DRC11: variants seen among roughly 807,000 people sequenced by gnomAD.
The protein encoded by DRC11 is dynein regulatory complex subunit 11, also known as IQ and AAA domain-containing protein 1.
the DRC11 span, among the ~76,000 whole-genome samples, chr2:236,329,874 T>C: frequency 6.6e-6 from 1 of 152,182 alleles, no homozygotes; most frequent in African/African-American, 2.4e-5. Context: ...TCCCGGGTCA[T>C]AAAAGGGTAG....
the DRC11 span, among the ~76,000 whole-genome samples, chr2:236,321,850 T>TG: frequency 1.3e-5 from 2 of 151,574 alleles, no homozygotes; most frequent in Non-Finnish European, 2.9e-5. Context: ...GCACAGAGGG[T>TG]GGGGGGGAAG....
At chr2:236,429,155 G>A in the DRC11 span, among the ~76,000 whole-genome samples, 190 of 152,322 alleles carry the variant, frequency 1.2e-3, 2 homozygotes, top group African/African-American at 4.3e-3. This position sits in a 1 kb window ranked among gnomAD's most constrained non-coding sequence, Gnocchi z 5.9. Flanking sequence ...CTGGTGTTGT[G>A]AGGTACCAAG....
At chr2:236,346,709 A>T in the DRC11 span, 1 of 169,150 alleles carries the variant, frequency 5.9e-6, no homozygotes. Context: ...TGACCATCCC[A>T]TGATGGGCAG....
At chr2:236,385,140 G>A in the DRC11 span, among the ~76,000 whole-genome samples, 26 of 151,918 alleles carry the variant, frequency 1.7e-4, no homozygotes, top group African/African-American at 4.4e-4. Flanking sequence ...ACTTGGCGAC[G>A]CGGGCTCTTT....
chr2:236,338,595 A>C, the DRC11 span, among the ~76,000 whole-genome samples: 1 of 152,156 alleles, frequency 6.6e-6, no homozygotes, highest in Non-Finnish European at 1.5e-5. Context: ...TCCTTTCCTC[A>C]ACCTCTGGTG....
chr2:236,459,894 AC>A, the DRC11 span, among the ~76,000 whole-genome samples: 1 of 152,092 alleles, frequency 6.6e-6, no homozygotes, highest in Non-Finnish European at 1.5e-5. Context: ...GACTTAAAAA[AC>A]AACCCCTTAT....
chr2:236,337,286 G>A, the DRC11 span, among the ~76,000 whole-genome samples: 1 of 152,116 alleles, frequency 6.6e-6, no homozygotes, highest in Admixed American at 6.5e-5. This position sits in a 1 kb window ranked among gnomAD's most constrained non-coding sequence, Gnocchi z 4.9. Context: ...TTTTCACACA[G>A]CACTAGATAG....
the DRC11 span, among the ~76,000 whole-genome samples, chr2:236,357,191 A>ATC: frequency 1.7e-5 from 2 of 120,376 alleles, no homozygotes; most frequent in Admixed American, 1.8e-4. Flanking sequence ...ATATTCATAT[A>ATC]TATTATAAAT....
At chr2:236,492,224 G>A in the DRC11 span, among the ~76,000 whole-genome samples, 10 of 152,194 alleles carry the variant, frequency 6.6e-5, no homozygotes, top group Non-Finnish European at 1.3e-4. Context: ...CAGTATGTCA[G>A]GAAAGGTTTC....
At chr2:236,399,600 C>A in the DRC11 span, 3 of 845,730 alleles carry the variant, frequency 3.5e-6, no homozygotes, top group Non-Finnish European at 3.9e-6. This position sits in a 1 kb window ranked among gnomAD's most constrained non-coding sequence, Gnocchi z 7.0. Flanking sequence ...AGTCCTGGTC[C>A]CCCTGGGCAG....
chr2:236,399,430 C>A, the DRC11 span: 2 of 1,613,716 alleles, frequency 1.2e-6, no homozygotes, highest in Non-Finnish European at 1.7e-6. This position sits in a 1 kb window ranked among gnomAD's most constrained non-coding sequence, Gnocchi z 7.0. Flanking sequence ...TGCGTTACAT[C>A]CTTCCTTCAT....
the DRC11 span, among the ~76,000 whole-genome samples, chr2:236,355,211 G>C: frequency 2.6e-5 from 4 of 152,174 alleles, no homozygotes; most frequent in African/African-American, 9.7e-5. Flanking sequence ...AGTGGGTTTT[G>C]ATGGACTCTG....
At chr2:236,493,289 T>C in the DRC11 span, among the ~76,000 whole-genome samples, 1 of 152,124 alleles carries the variant, frequency 6.6e-6, no homozygotes, top group Admixed American at 6.6e-5. Context: ...ACATGGGAAT[T>C]GTGGGAGCTA....
chr2:236,499,151 G>A, the DRC11 span, among the ~76,000 whole-genome samples: 2 of 151,972 alleles, frequency 1.3e-5, no homozygotes, highest in African/African-American at 4.8e-5. This position sits in a 1 kb window ranked among gnomAD's most constrained non-coding sequence, Gnocchi z 4.7. Context: ...GGCGTCCTGA[G>A]TCCAGGTTGG....
At chr2:236,326,924 T>C in the DRC11 span, among the ~76,000 whole-genome samples, 21 of 152,144 alleles carry the variant, frequency 1.4e-4, no homozygotes, top group African/African-American at 4.8e-4. Flanking sequence ...TTTGCCATGT[T>C]GTTCAGGCTG....
the DRC11 span, among the ~76,000 whole-genome samples, chr2:236,496,429 G>A: frequency 6.6e-6 from 1 of 152,174 alleles, no homozygotes; most frequent in South Asian, 2.1e-4. The surrounding 1 kb of genome is among the most constrained non-coding windows in gnomAD (Gnocchi z 6.3). Flanking sequence ...CAAAATGAAG[G>A]TGAGCTCCCA....
the DRC11 span, among the ~76,000 whole-genome samples, chr2:236,378,321 C>T: frequency 9.2e-5 from 14 of 152,130 alleles, no homozygotes; most frequent in South Asian, 1.9e-3. Context: ...AAACAATATA[C>T]GCATAAAATA....
the DRC11 span, among the ~76,000 whole-genome samples, chr2:236,309,217 G>A: frequency 6.6e-6 from 1 of 152,198 alleles, no homozygotes; most frequent in Admixed American, 6.5e-5. The surrounding 1 kb of genome is among the most constrained non-coding windows in gnomAD (Gnocchi z 5.7). Context: ...GTTGTGCTGT[G>A]CCCTGGCCCT....
At chr2:236,486,761 G>T in the DRC11 span, 1 of 1,039,230 alleles carries the variant, frequency 9.6e-7, no homozygotes, top group Admixed American at 2.3e-5. The surrounding 1 kb of genome is among the most constrained non-coding windows in gnomAD (Gnocchi z 5.7). Context: ...ACTCTCAGAA[G>T]AAGACACAGT....
Sources: gnomAD v4.1 joint callset for allele counts (sites outside exome capture counted in the v4.1 genomes callset) on GRCh38, gnomAD v4.1.1 for gene constraint, Gnocchi (gnomAD v3.1) non-coding constraint, MANE v1.5 for transcripts, NCBI Gene and HGNC (gene_info 2026-07-23, HGNC 2026-07-21) for gene names.